The following KCTD16 variants were observed in gnomAD, a reference collection of about 807,000 sequenced individuals.
KCTD16 encodes the protein BTB/POZ domain-containing protein KCTD16.
Under a neutral mutation model 33.2 loss-of-function variants are expected in KCTD16, and 13 were observed. The observed-to-expected ratio is 0.39, with a 90% CI of 0.25 to 0.62. KCTD16 has a LOEUF of 0.62. KCTD16 is among the 20% of genes least tolerant of loss of function. KCTD16 has a pLI of 0.50. For synonymous variants in KCTD16, 197 were observed against 195.3 expected (o/e 1.01, Z -0.07); for missense variants, 441 against 525.1 (o/e 0.84, Z 1.57).
intron 3 of KCTD16, among the ~76,000 whole-genome samples, chr5:144,338,791 C>A (rs1473128392): frequency 6.6e-6 from 1 of 152,080 alleles, no homozygotes; most frequent in Non-Finnish European, 1.5e-5. Context: ...GCTGAAAAGG[C>A]AAGGCTGAGC....
chr5:144,465,503 C>G (rs1338673978), intron 3 of KCTD16, among the ~76,000 whole-genome samples: 2 of 152,072 alleles, frequency 1.3e-5, no homozygotes, highest in Non-Finnish European at 2.9e-5. Context: ...AATGAGGGCA[C>G]TCGTGGCCTC....
At chr5:144,400,836 G>A (rs1019587961) in intron 3 of KCTD16, among the ~76,000 whole-genome samples, 2 of 152,200 alleles carry the variant, frequency 1.3e-5, no homozygotes, top group South Asian at 2.1e-4. Flanking sequence ...TAAGGAGGAG[G>A]TATTTGAGCT....
chr5:144,372,791 A>C (rs920620485), intron 3 of KCTD16, among the ~76,000 whole-genome samples: 1 of 152,222 alleles, frequency 6.6e-6, no homozygotes, highest in African/African-American at 2.4e-5. Context: ...AAATATGGAA[A>C]TGCCAGATAA....
At chr5:144,438,794 A>G (rs931771759) in intron 3 of KCTD16, among the ~76,000 whole-genome samples, 4 of 152,180 alleles carry the variant, frequency 2.6e-5, no homozygotes, top group Admixed American at 2.6e-4. Flanking sequence ...GCCACTGGAC[A>G]GGGAAAATCA....
intron 3 of KCTD16, among the ~76,000 whole-genome samples, chr5:144,227,542 G>A (rs1457959744): frequency 6.6e-6 from 1 of 152,190 alleles, no homozygotes; most frequent in Non-Finnish European, 1.5e-5. Context: ...GTTTTCAGCA[G>A]GTAAGTGACA....
chr5:144,299,019 T>C (rs1226757807), intron 3 of KCTD16, among the ~76,000 whole-genome samples: 3 of 115,316 alleles, frequency 2.6e-5, no homozygotes. Flanking sequence ...ATAAAAAAAA[T>C]GCTATGAATA....
At chr5:144,373,601 C>G (rs1252611470) in intron 3 of KCTD16, among the ~76,000 whole-genome samples, 1 of 152,128 alleles carries the variant, frequency 6.6e-6, no homozygotes, top group African/African-American at 2.4e-5. Context: ...GTGTCTTCTG[C>G]TGCTCATTAT....
intron 3 of KCTD16, among the ~76,000 whole-genome samples, chr5:144,266,067 G>A (rs1384973230): frequency 7.7e-5 from 11 of 142,990 alleles, no homozygotes; most frequent in Non-Finnish European, 1.4e-4. Context: ...TTCTGGAATT[G>A]CGAAAACAGA....
intron 3 of KCTD16, among the ~76,000 whole-genome samples, chr5:144,299,910 AAAAAAC>A (rs985194555): frequency 4.1e-5 from 6 of 147,210 alleles, no homozygotes; most frequent in African/African-American, 1.3e-4. Context: ...AAAAAAAAAA[AAAAAAC>A]AAAAAACAAA....
intron 2 of KCTD16, among the ~76,000 whole-genome samples, chr5:144,191,478 C>G (rs1752841095): frequency 6.6e-6 from 1 of 152,166 alleles, no homozygotes; most frequent in Admixed American, 6.5e-5. Context: ...ATTTTTTCAA[C>G]CACTTTTCCC....
At chr5:144,313,333 T>G (rs1473415759) in intron 3 of KCTD16, among the ~76,000 whole-genome samples, 2 of 152,206 alleles carry the variant, frequency 1.3e-5, no homozygotes. Flanking sequence ...TCTGAACTTT[T>G]GCCAGCTTCA....
chr5:144,371,515 C>T (rs985603789), intron 3 of KCTD16, among the ~76,000 whole-genome samples: 1 of 152,136 alleles, frequency 6.6e-6, no homozygotes, highest in Non-Finnish European at 1.5e-5. Flanking sequence ...ATCTGTTTCT[C>T]ACACATTCCC....
chr5:144,270,390 A>T (rs1347226003), intron 3 of KCTD16, among the ~76,000 whole-genome samples: 2 of 151,964 alleles, frequency 1.3e-5, no homozygotes, highest in African/African-American at 2.4e-5. Context: ...ACAGAAGTAA[A>T]ACTGGAAAAC....
intron 2 of KCTD16, among the ~76,000 whole-genome samples, chr5:144,187,214 A>T (rs1319502050): frequency 1.3e-5 from 2 of 152,198 alleles, no homozygotes; most frequent in Non-Finnish European, 2.9e-5. Context: ...CAAACCACTT[A>T]TAACAATTTT....
At chr5:144,209,907 T>G (rs1467187157) in intron 3 of KCTD16, among the ~76,000 whole-genome samples, 1 of 143,642 alleles carries the variant, frequency 7.0e-6, no homozygotes, top group Non-Finnish European at 1.5e-5. Context: ...TGTATATATA[T>G]GTATATATAT....
intron 3 of KCTD16, among the ~76,000 whole-genome samples, chr5:144,229,912 C>T (rs1053677035): frequency 1.3e-5 from 2 of 152,136 alleles, no homozygotes; most frequent in Non-Finnish European, 2.9e-5. Flanking sequence ...GAGGCCGAGG[C>T]GGGCTAATCA....
At chr5:144,343,005 A>G (rs1752687596) in intron 3 of KCTD16, among the ~76,000 whole-genome samples, 2 of 152,184 alleles carry the variant, frequency 1.3e-5, no homozygotes, top group South Asian at 4.1e-4. Flanking sequence ...GGATTTTTGC[A>G]TCAATGTTCA....
intron 3 of KCTD16, among the ~76,000 whole-genome samples, chr5:144,209,992 G>A (rs1363545858): frequency 4.6e-5 from 7 of 150,758 alleles, no homozygotes; most frequent in Non-Finnish European, 1.0e-4. Flanking sequence ...CAGGAATAAG[G>A]CAGAGTCACT....
intron 3 of KCTD16, among the ~76,000 whole-genome samples, chr5:144,316,121 A>G (rs951033546): frequency 2.0e-5 from 3 of 152,136 alleles, no homozygotes; most frequent in Non-Finnish European, 4.4e-5. Flanking sequence ...GGGTTGTTAC[A>G]ACAACAGGTA....
Sources: gnomAD v4.1 joint callset for allele counts (sites outside exome capture counted in the v4.1 genomes callset) on GRCh38, gnomAD v4.1.1 for gene constraint, MANE v1.5 for transcripts, NCBI Gene and HGNC (gene_info 2026-07-23, HGNC 2026-07-21) for gene names.